Variants in TXNDC11 observed in about 807,000 individuals in gnomAD.
The protein encoded by TXNDC11 is thioredoxin domain containing 11, also known as thioredoxin domain-containing protein 11.
Under a neutral mutation model 78.0 loss-of-function variants are expected in TXNDC11, and 68 were observed. That is an observed-to-expected ratio of 0.87 (90% confidence interval 0.72 to 1.07). The LOEUF is 1.07. Ranked by LOEUF, TXNDC11 falls within the 50% of genes least tolerant of loss-of-function variation. The pLI is 0.00. For missense variants in TXNDC11, 1,389 were observed against 1,221.8 expected, an observed-to-expected ratio of 1.14 and a Z score of -2.04; for synonymous variants, 571 against 495.2, an observed-to-expected ratio of 1.15 and a Z score of -2.03.
intron 7 of TXNDC11, among the ~76,000 whole-genome samples, chr16:11,694,272 G>A (rs1045985638): frequency 6.6e-6 from 1 of 151,794 alleles, no homozygotes; most frequent in Non-Finnish European, 1.5e-5. Flanking sequence ...ACGACACCCA[G>A]CCAATTTTTT....
At chr16:11,688,002 G>A (rs1219292669) in intron 9 of TXNDC11, 36 bp from the exon 10 acceptor site, 2 of 1,447,358 alleles carry the variant, frequency 1.4e-6, no homozygotes, top group East Asian at 2.3e-5. Flanking sequence ...ACTTGCACCG[G>A]GAAATGGGCT....
Position 11,689,075 on chromosome 16 carries a change from A to T in TXNDC11, c.1901-630T>A, listed in dbSNP as rs58502834. 5.6e-3 allele frequency among the ~76,000 whole-genome samples: 825 copies of T among 147,846 alleles called. 6 individuals carry two copies. The highest frequency in any genetic ancestry group is 0.021 in the African/African-American group (798 of 38,876). ...CTTTGCTTCATCTGAAACAATACTA[A>T]TTTGAATTTCACTTTTTTTTTTTTT... On this transcript the variant is annotated intron_variant, in intron 8 of 11. Transcript: ENST00000283033.
chr16:11,692,141 G>A lies in TXNDC11; in HGVS notation c.1108-59C>T, dbSNP rs565943575. On this transcript the variant is annotated intron_variant, in intron 7 of 11. Transcript: ENST00000283033. ...GGGATGACTGAGGGACTAGCACCCC[G>A]TTAGCCACGTTTCACTTTCTGTAAT... is the stretch of plus-strand genomic sequence containing the variant. 43 of 1,317,378 alleles carry A rather than the reference G, an allele frequency of 3.3e-5. No homozygotes were observed. In the South Asian group the frequency reaches 4.9e-4, roughly 15 times the overall value. 81.6% of individuals were successfully genotyped at this position (1,317,378 alleles called of 1,614,324 possible). A position where few individuals can be genotyped will look rare whatever the true frequency, so the allele number is the denominator to read the frequency against.
chr16:11,698,108 C>A lies in TXNDC11; in HGVS notation c.1107+17G>T. The A allele has an allele frequency of 6.2e-7, 1 of 1,613,608 alleles. No homozygotes were observed. On this transcript the variant is annotated intron_variant, in intron 7 of 11. Transcript: ENST00000283033. Reference sequence around the variant, plus strand: ...TTCCTACTCCTCATGAGGTGCTTTTCACATCACAGCTCTTACCTCGTCTAT... The same window carrying A: ...TTCCTACTCCTCATGAGGTGCTTTTAACATCACAGCTCTTACCTCGTCTAT...
intron 6 of TXNDC11, 110 bp downstream of exon 6, chr16:11,700,342 C>T (rs547888517): frequency 4.6e-4 from 232 of 509,490 alleles, no homozygotes; most frequent in African/African-American, 3.8e-3. Flanking sequence ...AAATCATATG[C>T]GCTTTTCTAG....
At chr16:11,719,882 A>G (rs891022985) in intron 5 of TXNDC11, among the ~76,000 whole-genome samples, 3 of 152,190 alleles carry the variant, frequency 2.0e-5, no homozygotes, top group African/African-American at 4.8e-5. Context: ...TGTGGAAGCG[A>G]TATTTGGGCT....
chr16:11,734,141 TAA>T (rs2052148204), intron 2 of TXNDC11, 62 bp from the exon 3 acceptor site: 6 of 1,089,674 alleles, frequency 5.5e-6, no homozygotes, highest in Non-Finnish European at 2.7e-6. Context: ...TACCAAGATT[TAA>T]AAGATGAAAT....
At chr16:11,690,206 T>C (rs117811224) in intron 8 of TXNDC11, 5 of 152,184 alleles carry the variant, frequency 3.3e-5, no homozygotes, top group African/African-American at 9.7e-5. Flanking sequence ...TGAACTAACG[T>C]GGCTTTTGAA....
chr16:11,720,330 A>G (rs1228305676), intron 5 of TXNDC11, among the ~76,000 whole-genome samples: 1 of 152,214 alleles, frequency 6.6e-6, no homozygotes, highest in Non-Finnish European at 1.5e-5. Context: ...TTGCTAAATT[A>G]CAACCTATCT....
chr16:11,706,866 A>G (rs555045002), intron 5 of TXNDC11, among the ~76,000 whole-genome samples: 1 of 152,314 alleles, frequency 6.6e-6, no homozygotes, highest in East Asian at 1.9e-4. Flanking sequence ...CCCTTGAACA[A>G]CATGGGTTTG....
intron 5 of TXNDC11, among the ~76,000 whole-genome samples, chr16:11,721,114 A>G (rs2051692160): frequency 6.6e-6 from 1 of 152,056 alleles, no homozygotes; most frequent in Non-Finnish European, 1.5e-5. Context: ...CCTGTTTGCT[A>G]ATGATGGAAC....
At chr16:11,688,004 A>C (rs1389810945) in intron 9 of TXNDC11, 38 bp from the exon 10 acceptor site, 1 of 1,444,546 alleles carries the variant, frequency 6.9e-7, no homozygotes, top group African/African-American at 1.4e-5. Context: ...TTGCACCGGG[A>C]AATGGGCTCT....
rs1187364874 is a variant in TXNDC11 at position 11,733,971 on chromosome 16, A to G, written c.569+11T>C. ...AACTGGAATGAGAGACGCTATTTAA[A>G]AAGTTCTTACCTCCGATGATACAGA... On this transcript the variant is annotated intron_variant, in intron 3 of 11. Coordinates refer to ENST00000283033, the MANE Select transcript of TXNDC11 (RefSeq NM_015914.7). 4.4e-6 allele frequency: 7 copies of G among 1,591,496 alleles called. No individual in the cohort carries two copies. In the Admixed American group the frequency reaches 5.2e-5, roughly 12 times the overall value.
chr16:11,703,783 A>G (rs1232168742), intron 5 of TXNDC11: 6 of 698,992 alleles, frequency 8.6e-6, no homozygotes, highest in Non-Finnish European at 1.3e-5. Context: ...TAAGCCTGAA[A>G]TATCTTGTAT....
intron 4 of TXNDC11, among the ~76,000 whole-genome samples, chr16:11,726,982 G>T (rs149109793): frequency 1.3e-5 from 2 of 152,258 alleles, no homozygotes; most frequent in Non-Finnish European, 2.9e-5. Context: ...GAACCCAGGA[G>T]GTGGAGGTTG....
chr16:11,679,197 AGTCT>A lies in TXNDC11; in HGVS notation c.2871_2874del (p.Asp958AsnfsTer30). 6.2e-7 allele frequency: 1 copy of A among 1,613,230 alleles called. No homozygotes were observed. Among genetic ancestry groups the A allele is most frequent in the Non-Finnish European group, 8.5e-7 (1 of 1,179,950 alleles). ...ATTTCTTCATATCATTTAAAAAGTT[AGTCT>A]GTCCTGTTCTCCTTATTCCTTTCAG... On this transcript the variant is annotated frameshift_variant, in exon 12 of 12. Coordinates refer to ENST00000283033, the MANE Select transcript of TXNDC11 (RefSeq NM_015914.7). LOFTEE classifies it high-confidence loss of function. This position sits in a 1 kb window ranked among gnomAD's most constrained non-coding sequence, Gnocchi z 4.6.
intron 3 of TXNDC11, among the ~76,000 whole-genome samples, chr16:11,733,002 C>T (rs1217780515): frequency 3.9e-5 from 6 of 152,150 alleles, no homozygotes; most frequent in Non-Finnish European, 8.8e-5. Flanking sequence ...GATTTTTAGA[C>T]ATTACTTATC....
Position 11,691,338 on chromosome 16 carries a change from A to T in TXNDC11, c.1852T>A (p.Ser618Thr). 1 of 1,614,224 alleles carries T rather than the reference A, an allele frequency of 6.2e-7. No individual in the cohort carries two copies. The highest frequency in any genetic ancestry group is 8.5e-7 in the Non-Finnish European group (1 of 1,180,036). Residue 618 changes from serine to threonine, a missense_variant, in exon 8 of 12, where the codon TCT becomes ACT. Coordinates refer to ENST00000283033, the MANE Select transcript of TXNDC11 (RefSeq NM_015914.7). The stretch of plus-strand genomic sequence containing the variant: ...TGCTTTGGATCCAAGATGTAATGAG[A>T]TTCTTCTTTCACGTCAACAATTGCC... ...FAAIVDVKEE[S>T]HYILDPKQAL...
intron 6 of TXNDC11, among the ~76,000 whole-genome samples, chr16:11,699,854 GA>G (rs1210460513): frequency 2.0e-5 from 3 of 152,262 alleles, no homozygotes; most frequent in African/African-American, 7.2e-5. Flanking sequence ...AGCAGCAACA[GA>G]GTAGACGCAT....
Sources: allele counts gnomAD v4.1 joint callset (sites outside exome capture counted in the v4.1 genomes callset), GRCh38; gene constraint gnomAD v4.1.1; non-coding constraint Gnocchi (gnomAD v3.1); transcripts MANE v1.5; gene names NCBI Gene and HGNC (gene_info 2026-07-23, HGNC 2026-07-21).